Variants in ATP2B2 observed in about 807,000 individuals in gnomAD.
The protein encoded by ATP2B2 is ATPase plasma membrane Ca2+ transporting 2.
A neutral mutation model predicts 120.0 loss-of-function variants in ATP2B2; 15 were observed. That is an observed-to-expected ratio of 0.12 (90% confidence interval 0.08 to 0.19). The LOEUF (loss-of-function observed/expected upper bound fraction) is 0.19, where lower values mean the gene tolerates loss of function less well. ATP2B2 is among the 10% of genes least tolerant of loss of function. ATP2B2 has a pLI of 1.00. For missense variants in ATP2B2, 1,045 were observed against 1,719.8 expected, an observed-to-expected ratio of 0.61 and a Z score of 6.94; for synonymous variants, 694 against 700.3, an observed-to-expected ratio of 0.99 and a Z score of 0.14.
chr3:10,627,828 G>A (rs767065073), intron 1 of ATP2B2, among the ~76,000 whole-genome samples: 24 of 152,254 alleles, frequency 1.6e-4, no homozygotes, highest in Non-Finnish European at 2.1e-4. Flanking sequence ...TCTGATGGCC[G>A]TTTATCAAAT....
intron 1 of ATP2B2, among the ~76,000 whole-genome samples, chr3:10,683,785 T>C (rs1690139085): frequency 8.3e-6 from 1 of 120,078 alleles, no homozygotes; most frequent in Non-Finnish European, 1.8e-5. Context: ...TATATATATA[T>C]ATATATATAT....
intron 1 of ATP2B2, among the ~76,000 whole-genome samples, chr3:10,505,073 A>G (rs1019955783): frequency 7.2e-5 from 11 of 152,036 alleles, no homozygotes; most frequent in Admixed American, 6.5e-5. Context: ...AGAGAAGAGA[A>G]CCTTGTCCCC....
intron 1 of ATP2B2, among the ~76,000 whole-genome samples, chr3:10,627,005 C>T (rs2069722837): frequency 6.6e-6 from 1 of 152,120 alleles, no homozygotes; most frequent in Non-Finnish European, 1.5e-5. Context: ...GCTTTTGAAA[C>T]TCACTCCCCA....
At chr3:10,645,389 G>T (rs1478284830) in intron 1 of ATP2B2, among the ~76,000 whole-genome samples, 1 of 152,154 alleles carries the variant, frequency 6.6e-6, no homozygotes, top group Non-Finnish European at 1.5e-5. Context: ...TGCAAATTTT[G>T]ATCATTTCAC....
At chr3:10,634,661 C>T (rs1559497884) in intron 1 of ATP2B2, among the ~76,000 whole-genome samples, 1 of 152,234 alleles carries the variant, frequency 6.6e-6, no homozygotes, top group Admixed American at 6.5e-5. Flanking sequence ...GAGCCCAGTA[C>T]AAGTCATTTG....
At chr3:10,412,921 G>A (rs933263256) in intron 2 of ATP2B2, among the ~76,000 whole-genome samples, 3 of 152,160 alleles carry the variant, frequency 2.0e-5, no homozygotes, top group African/African-American at 4.8e-5. Context: ...ACAGATGGGG[G>A]TGGACAGGGA....
chr3:10,418,047 G>A (rs968953976), intron 2 of ATP2B2, among the ~76,000 whole-genome samples: 1 of 152,160 alleles, frequency 6.6e-6, no homozygotes, highest in African/African-American at 2.4e-5. Context: ...GAGAGTGAGA[G>A]TGTTCTCTAA....
intron 2 of ATP2B2, among the ~76,000 whole-genome samples, chr3:10,541,695 C>T (rs1032581164): frequency 6.6e-6 from 1 of 152,120 alleles, no homozygotes; most frequent in Non-Finnish European, 1.5e-5. Context: ...TATGGTCTAC[C>T]TTAGCATATG....
At chr3:10,356,841 T>C (rs2060746089) in intron 14 of ATP2B2, among the ~76,000 whole-genome samples, 1 of 152,176 alleles carries the variant, frequency 6.6e-6, no homozygotes, top group Non-Finnish European at 1.5e-5. Flanking sequence ...AGAGAGAGGT[T>C]TGCAGGAAAG....
intron 1 of ATP2B2, among the ~76,000 whole-genome samples, chr3:10,641,987 TCCACCC>T (rs2070184447): frequency 0.045 from 43 of 948 alleles, no homozygotes; most frequent in Admixed American, 0.24. Context: ...CACACACTCA[TCCACCC>T]ATCCACCCAT....
intron 21 of ATP2B2, among the ~76,000 whole-genome samples, chr3:10,339,892 T>C (rs2060225957): frequency 6.6e-6 from 1 of 152,256 alleles, no homozygotes; most frequent in African/African-American, 2.4e-5. Context: ...ATTACATTAA[T>C]GTTTTTGTTA....
intron 2 of ATP2B2, among the ~76,000 whole-genome samples, chr3:10,545,380 T>C (rs1461357097): frequency 6.6e-5 from 10 of 152,024 alleles, no homozygotes. Context: ...AATACAAAAA[T>C]TAGCCGGGCA....
intron 2 of ATP2B2, among the ~76,000 whole-genome samples, chr3:10,414,309 G>C (rs2062710726): frequency 6.6e-6 from 1 of 152,150 alleles, no homozygotes; most frequent in Non-Finnish European, 1.5e-5. Context: ...TGGAAGTCAG[G>C]CCATATCATG....
At chr3:10,417,066 C>CGGGGGGT (rs201363749) in intron 2 of ATP2B2, among the ~76,000 whole-genome samples, 1 of 38,090 alleles carries the variant, frequency 2.6e-5, no homozygotes, top group Non-Finnish European at 4.3e-5. Flanking sequence ...TCCCAGACGG[C>CGGGGGGT]GGCGGGGGGG....
At chr3:10,490,729 C>T (rs545353877) in intron 1 of ATP2B2, among the ~76,000 whole-genome samples, 2 of 152,252 alleles carry the variant, frequency 1.3e-5, no homozygotes, top group South Asian at 4.1e-4. Flanking sequence ...GAAAATCCTA[C>T]AGACTGGGAG....
intron 2 of ATP2B2, among the ~76,000 whole-genome samples, chr3:10,547,781 T>C (rs1255662023): frequency 6.6e-6 from 1 of 152,204 alleles, no homozygotes; most frequent in Non-Finnish European, 1.5e-5. Context: ...TGAAGTCCCT[T>C]GTAAGGCAAA....
chr3:10,431,808 T>G (rs780604477), intron 2 of ATP2B2, among the ~76,000 whole-genome samples: 1 of 151,838 alleles, frequency 6.6e-6, no homozygotes, highest in Non-Finnish European at 1.5e-5. Context: ...AGGCCTTAGC[T>G]CTCTTGTTTC....
At chr3:10,643,802 T>C (rs1443644748) in intron 1 of ATP2B2, among the ~76,000 whole-genome samples, 1 of 152,024 alleles carries the variant, frequency 6.6e-6, no homozygotes, top group Non-Finnish European at 1.5e-5. Flanking sequence ...CTAGACTGGA[T>C]CCTGTGCTGG....
At chr3:10,697,592 T>C (rs1299564022) in intron 1 of ATP2B2, among the ~76,000 whole-genome samples, 1 of 152,222 alleles carries the variant, frequency 6.6e-6, no homozygotes, top group African/African-American at 2.4e-5. Flanking sequence ...CTGGGGCCTC[T>C]TCCTATGGAT....
Sources: allele counts gnomAD v4.1 joint callset (sites outside exome capture counted in the v4.1 genomes callset), GRCh38; gene constraint gnomAD v4.1.1; transcripts MANE v1.5; gene names NCBI Gene and HGNC (gene_info 2026-07-23, HGNC 2026-07-21).